Variants in TXK observed in about 807,000 individuals in gnomAD.
TXK encodes the protein TXK tyrosine kinase.
A neutral mutation model predicts 81.0 loss-of-function variants in TXK; 60 were observed. The observed-to-expected ratio is 0.74, with a 90% confidence interval of 0.60 to 0.92. The LOEUF is 0.92. Ranked by LOEUF, TXK falls within the 40% of genes least tolerant of loss-of-function variation. The probability of loss-of-function intolerance (pLI) is 0.00; values close to 1 mark genes in which losing one functional copy is unlikely to be tolerated. For missense variants in TXK, 581 were observed against 638.3 expected, an observed-to-expected ratio of 0.91 and a Z score of 0.97; for synonymous variants, 203 against 210.7, an observed-to-expected ratio of 0.96 and a Z score of 0.32.
rs1716852207 is a variant in TXK at position 48,071,506 on chromosome 4, CA to C, written c.1515+10del. ...ACTGCCAACCTTCATAGGAAAGTAA[CA>C]TATGCTTACCTCATGCCAGCAGCTG... On this transcript the variant is annotated intron_variant, in intron 14 of 14. Transcript: ENST00000264316. 1 of 1,608,026 alleles carries C rather than the reference CA, an allele frequency of 6.2e-7. No individual in the cohort carries two copies. Among genetic ancestry groups the C allele is most frequent in the Non-Finnish European group, 8.5e-7 (1 of 1,177,600 alleles).
At chr4:48,083,468 C>T (rs975323287) in intron 10 of TXK, among the ~76,000 whole-genome samples, 1 of 152,208 alleles carries the variant, frequency 6.6e-6, no homozygotes, top group African/African-American at 2.4e-5. Flanking sequence ...TCACCTTGGG[C>T]ACATATCATC....
chr4:48,096,512 C>A (rs1469983803), intron 6 of TXK, among the ~76,000 whole-genome samples: 4 of 152,096 alleles, frequency 2.6e-5, no homozygotes, highest in Non-Finnish European at 5.9e-5. Flanking sequence ...TTTAAATTTT[C>A]TTTCTCTTTC....
At chr4:48,099,198 T>C (rs1718093121) in intron 6 of TXK, among the ~76,000 whole-genome samples, 1 of 152,074 alleles carries the variant, frequency 6.6e-6, no homozygotes, top group Non-Finnish European at 1.5e-5. Context: ...ACAAAATTAA[T>C]TCACAGAAAT....
At chr4:48,120,238 T>C (rs953651872) in intron 1 of TXK, among the ~76,000 whole-genome samples, 16 of 132,812 alleles carry the variant, frequency 1.2e-4, no homozygotes, top group South Asian at 2.2e-4. Context: ...TATATATGTA[T>C]ATACGTATAT....
chr4:48,097,422 C>CTTTTTT (rs4031383), intron 6 of TXK, among the ~76,000 whole-genome samples: 9 of 141,862 alleles, frequency 6.3e-5, no homozygotes, highest in African/African-American at 2.3e-4. Flanking sequence ...AAAGCTACCA[C>CTTTTTT]TTTTTTTTTT....
Position 48,091,415 on chromosome 4 carries a change from C to T in TXK, c.710-1591G>A, listed in dbSNP as rs75118374. 3.8e-3 allele frequency among the ~76,000 whole-genome samples: 579 copies of T among 152,200 alleles called. 4 individuals are homozygous for T. Among genetic ancestry groups the T allele is most frequent in the African/African-American group, 0.013 (548 of 41,530 alleles). On this transcript the variant is annotated intron_variant, in intron 8 of 14. Transcript: ENST00000264316. ...TGGGTATGATGGGACTCATAAGCCA[C>T]GCTAGGAAGCATTACATTTTCCTGC...
At chr4:48,104,336 A>T (rs1190855908) in intron 6 of TXK, among the ~76,000 whole-genome samples, 1 of 3,032 alleles carries the variant, frequency 3.3e-4, no homozygotes, top group Non-Finnish European at 4.4e-4. Context: ...TATAATATAT[A>T]ATATATATAA....
intron 9 of TXK, 199 bp downstream of exon 9, chr4:48,089,551 C>T (rs1717674741): frequency 4.0e-5 from 16 of 402,540 alleles, no homozygotes; most frequent in South Asian, 3.1e-4. Context: ...CCACCAAACC[C>T]GGCTAATTTT....
intron 3 of TXK, 124 bp from the exon 4 acceptor site, chr4:48,112,636 C>G: frequency 1.1e-6 from 1 of 941,238 alleles, no homozygotes; most frequent in South Asian, 1.9e-5. Context: ...AGGCAGAAGC[C>G]AGGATGAGAT....
chr4:48,114,088 A>C (rs989142930), intron 2 of TXK, among the ~76,000 whole-genome samples: 2 of 152,224 alleles, frequency 1.3e-5, no homozygotes, highest in Non-Finnish European at 2.9e-5. Context: ...TACATGAAAT[A>C]AAAATTAAGT....
chr4:48,106,427 A>G (rs1718461922), intron 5 of TXK, among the ~76,000 whole-genome samples: 9 of 151,862 alleles, frequency 5.9e-5, no homozygotes, highest in Admixed American at 5.9e-4. Context: ...TGTAACTCTT[A>G]GACAACTCTT....
intron 6 of TXK, among the ~76,000 whole-genome samples, chr4:48,098,054 C>G (rs1286239392): frequency 6.6e-6 from 1 of 151,998 alleles, no homozygotes; most frequent in Non-Finnish European, 1.5e-5. Flanking sequence ...GCCAAAAGCT[C>G]CCACATTTAA....
chr4:48,066,643 C>A lies in TXK; in HGVS notation c.*994G>T, dbSNP rs187280569. The A allele has an allele frequency of 7.4e-4, 113 of 152,280 alleles. No individual in the cohort carries two copies. Among genetic ancestry groups the A allele is most frequent in the African/African-American group, 2.5e-3 (104 of 41,548 alleles). The allele number at this position is 152,280 out of a possible 1,614,324, so 9.4% of individuals were successfully genotyped here. On this transcript the variant is annotated 3_prime_UTR_variant, in exon 15 of 15. Coordinates refer to ENST00000264316, the MANE Select transcript of TXK (RefSeq NM_003328.3). ...CTCCAGTATCTTTCTTCCTATTGTA[C>A]TCCTGAAGCACTCAGAATGATAAAG...
intron 12 of TXK, among the ~76,000 whole-genome samples, chr4:48,074,337 T>C (rs1428884765): frequency 2.6e-5 from 4 of 152,200 alleles, no homozygotes; most frequent in Non-Finnish European, 5.9e-5. Flanking sequence ...TTCTTAACTC[T>C]ACAAAGAAGC....
intron 1 of TXK, among the ~76,000 whole-genome samples, chr4:48,120,223 ATACGTATATATGTATATAC>A: frequency 1.1e-5 from 1 of 92,688 alleles, no homozygotes. Context: ...ATGTACATAT[ATACGTATATATGTATATAC>A]GTATATGTGT....
At chr4:48,074,855 G>C (rs1162356943) in intron 12 of TXK, among the ~76,000 whole-genome samples, 1 of 151,928 alleles carries the variant, frequency 6.6e-6, no homozygotes, top group Non-Finnish European at 1.5e-5. Context: ...ATTCTACTTA[G>C]GTAAAGAATG....
chr4:48,110,573 C>A lies in TXK; in HGVS notation c.411G>T (p.Val137=). Reference sequence around the variant, plus strand: ...CTAAATTAGTTATTTTGTTTTCAGTCACATAGTTGCTTGGGATTAAGCCTT... The same window carrying A: ...CTAAATTAGTTATTTTGTTTTCAGTAACATAGTTGCTTGGGATTAAGCCTT... The part of the protein sequence containing the change: ...GNEGLIPSNY[V]TENKITNLEI... Residue 137 remains valine, a synonymous_variant, in exon 5 of 15, where the codon GTG becomes GTT. Coordinates refer to ENST00000264316, the MANE Select transcript of TXK (RefSeq NM_003328.3). The A allele has an allele frequency of 6.2e-7, 1 of 1,612,042 alleles. No homozygotes were observed. The highest frequency in any genetic ancestry group is 1.1e-5 in the South Asian group (1 of 90,862).
chr4:48,110,470 A>G, intron 5 of TXK, 68 bp downstream of exon 5: 1 of 1,137,786 alleles, frequency 8.8e-7, no homozygotes, highest in Non-Finnish European at 1.3e-6. Flanking sequence ...GACCCAAAAC[A>G]GTATCTATAC....
At chr4:48,069,226 C>T (rs905944611) in intron 14 of TXK, among the ~76,000 whole-genome samples, 3 of 152,082 alleles carry the variant, frequency 2.0e-5, no homozygotes, top group Non-Finnish European at 4.4e-5. Context: ...TGCGTAAGCC[C>T]AGGAGGTCAA....
Sources: gnomAD v4.1 joint callset for allele counts (sites outside exome capture counted in the v4.1 genomes callset) on GRCh38, gnomAD v4.1.1 for gene constraint, MANE v1.5 for transcripts, NCBI Gene and HGNC (gene_info 2026-07-23, HGNC 2026-07-21) for gene names.